FYB1: variants seen among roughly 807,000 people sequenced by gnomAD.
The protein encoded by FYB1 is FYN binding protein 1.
In FYB1, 41 loss-of-function variants were observed where a neutral mutation model predicts 94.1. The ratio of observed to expected loss-of-function variants is 0.44; its 90% CI spans 0.34 to 0.57. The LOEUF is 0.57. Ranked by LOEUF, FYB1 falls within the 20% of genes least tolerant of loss-of-function variation. The pLI is 0.02. For synonymous variants in FYB1, 367 were observed against 353.2 expected, an observed-to-expected ratio of 1.04 and a Z score of -0.44; for missense variants, 1,050 against 976.8, an observed-to-expected ratio of 1.07 and a Z score of -1.00.
At chr5:39,153,004 T>A (rs1184397165) in intron 3 of FYB1, among the ~76,000 whole-genome samples, 1 of 152,192 alleles carries the variant, frequency 6.6e-6, no homozygotes, top group Non-Finnish European at 1.5e-5. Context: ...GAAATAATGA[T>A]GATACTATCT....
At position 39,273,953 on chromosome 5, in the gene FYB1, C is replaced by G. The variant is rs934661102; in HGVS notation, c.-28+450G>C. Among the ~76,000 whole-genome samples, 34 of 151,354 alleles carry G rather than the reference C, an allele frequency of 2.2e-4. 1 individual carries two copies. Among genetic ancestry groups the G allele is most frequent in the Admixed American group, 2.0e-3 (31 of 15,218 alleles). On this transcript the variant is annotated intron_variant, in intron 1 of 1. Transcript: ENST00000510188. ...TTTTTTTTTCTTTTTGAGACAGAGT[C>G]TTGCTCTGTCCCCCAGGCTAGAGTA...
rs571243799 is a variant in FYB1, at chr5:39,242,805, T to A, written c.-28+31598A>T. On this transcript the variant is annotated intron_variant, in intron 1 of 1. Coordinates refer to the FYB1 transcript ENST00000510188. ...TCCACATCCTCTCCAGCACCTGCTG[T>A]TTCCTGACTTTTTAATGATCGCCAT... 4.9e-4 allele frequency among the ~76,000 whole-genome samples: 74 copies of A among 152,222 alleles called. 1 individual carries two copies. In the South Asian group the frequency reaches 5.2e-3, roughly 11 times the overall value.
At chr5:39,213,544 T>C in intron 1 of FYB1, among the ~76,000 whole-genome samples, 1 of 152,218 alleles carries the variant, frequency 6.6e-6, no homozygotes, top group Non-Finnish European at 1.5e-5. Context: ...GCATGGGGTT[T>C]ATAGGGCTCA....
chr5:39,261,252 T>C (rs1205336957), intron 1 of FYB1, among the ~76,000 whole-genome samples: 2 of 150,334 alleles, frequency 1.3e-5, no homozygotes, highest in Non-Finnish European at 1.5e-5. Flanking sequence ...CACATGTACC[T>C]ATGTGACAAA....
intron 9 of FYB1, among the ~76,000 whole-genome samples, chr5:39,132,059 A>T (rs1258663043): frequency 6.6e-6 from 1 of 152,162 alleles, no homozygotes; most frequent in Non-Finnish European, 1.5e-5. Flanking sequence ...CCTTTTCTTC[A>T]ATGTTTCATA....
At chr5:39,206,408 G>A (rs554042500) in intron 1 of FYB1, among the ~76,000 whole-genome samples, 7 of 152,168 alleles carry the variant, frequency 4.6e-5, no homozygotes, top group Middle Eastern at 6.8e-3. Context: ...TTCTTTAAGC[G>A]TAATGATAGA....
At chr5:39,142,189 A>C (rs1392414737) in intron 3 of FYB1, among the ~76,000 whole-genome samples, 1 of 152,078 alleles carries the variant, frequency 6.6e-6, no homozygotes, top group African/African-American at 2.4e-5. Flanking sequence ...GCTTTTCTAC[A>C]ATCCCATCAC....
At chr5:39,125,026 G>A (rs954730407) in intron 12 of FYB1, among the ~76,000 whole-genome samples, 1 of 150,314 alleles carries the variant, frequency 6.7e-6, no homozygotes, top group Non-Finnish European at 1.5e-5. Flanking sequence ...AGAATGTGAG[G>A]GATCATTAAT....
chr5:39,154,556 G>T (rs2150361857), intron 2 of FYB1, among the ~76,000 whole-genome samples: 1 of 151,106 alleles, frequency 6.6e-6, no homozygotes, highest in African/African-American at 2.4e-5. Context: ...GCCCAGGCTG[G>T]AGTGCAGCGG....
intron 10 of FYB1, 108 bp downstream of exon 10, chr5:39,130,482 G>A: frequency 1.2e-6 from 1 of 869,550 alleles, no homozygotes; most frequent in Non-Finnish European, 1.9e-6. Context: ...ACGCTGACTT[G>A]AACAATACAC....
At chr5:39,227,433 T>C (rs1005897651) in intron 1 of FYB1, among the ~76,000 whole-genome samples, 1 of 152,208 alleles carries the variant, frequency 6.6e-6, no homozygotes, top group Non-Finnish European at 1.5e-5. Flanking sequence ...GAATGAATTG[T>C]CATTTGCACA....
Position 39,122,351 on chromosome 5 carries a change from G to A in FYB1, c.2123C>T (p.Ser708Leu), listed in dbSNP as rs746618610. Residue 708 changes from serine (S) to leucine (L), a missense_variant, in exon 14 of 19, where the codon TCA becomes TTA. Ser to Leu is a moderately radical substitution (Grantham distance 145). Transcript: ENST00000512982. Reference protein sequence around the residue: ...DDVDTSDFPVSSAEMSQGTNV... With the variant: ...DDVDTSDFPVLSAEMSQGTNV... The stretch of plus-strand genomic sequence containing the variant: ...TTTTAATTACCTCATCTCTGCTGAT[G>A]AAACAGGGAAATCAGAGGTATCCAC... 6.3e-5 allele frequency: 99 copies of A among 1,572,544 alleles called. No homozygotes were observed. The highest frequency in any genetic ancestry group is 8.4e-5 in the Non-Finnish European group (97 of 1,154,348).
At chr5:39,192,853 A>T (rs944381579) in intron 2 of FYB1, among the ~76,000 whole-genome samples, 1 of 152,220 alleles carries the variant, frequency 6.6e-6, no homozygotes, top group African/African-American at 2.4e-5. Flanking sequence ...TGCCAAGGGA[A>T]CTTTTCAATG....
chr5:39,171,750 G>A (rs989171587), intron 2 of FYB1, among the ~76,000 whole-genome samples: 2 of 152,178 alleles, frequency 1.3e-5, no homozygotes, highest in Non-Finnish European at 2.9e-5. Flanking sequence ...ACTACCAGCT[G>A]ACACTTTCAG....
At chr5:39,186,451 A>T (rs1235582534) in intron 2 of FYB1, among the ~76,000 whole-genome samples, 1 of 152,068 alleles carries the variant, frequency 6.6e-6, no homozygotes, top group African/African-American at 2.4e-5. Flanking sequence ...AAAAGGCAAC[A>T]CTGAGAGAAC....
At chr5:39,135,157 T>A in intron 7 of FYB1, 143 bp from the exon 8 acceptor site, 1 of 919,796 alleles carries the variant, frequency 1.1e-6, no homozygotes, top group Non-Finnish European at 1.6e-6. Flanking sequence ...AAATTGAGGG[T>A]GAATGTTTTT....
intron 3 of FYB1, among the ~76,000 whole-genome samples, chr5:39,143,308 A>G (rs1742346297): frequency 6.6e-6 from 1 of 152,252 alleles, no homozygotes; most frequent in South Asian, 2.1e-4. Context: ...ATATCTATCA[A>G]GCAGCAACTC....
chr5:39,228,484 T>C (rs1416637531), intron 1 of FYB1, among the ~76,000 whole-genome samples: 1 of 151,662 alleles, frequency 6.6e-6, no homozygotes. Context: ...CACAAATATT[T>C]TGTACCATGG....
intron 14 of FYB1, among the ~76,000 whole-genome samples, chr5:39,121,469 C>A (rs747002588): frequency 6.6e-6 from 1 of 152,034 alleles, no homozygotes; most frequent in African/African-American, 2.4e-5. Flanking sequence ...AAATACTTAG[C>A]GTTTACTCAT....
Sources: allele counts gnomAD v4.1 joint callset (sites outside exome capture counted in the v4.1 genomes callset), GRCh38; gene constraint gnomAD v4.1.1; transcripts MANE v1.5; gene names NCBI Gene and HGNC (gene_info 2026-07-23, HGNC 2026-07-21).